The following DNHD1 variants were observed in gnomAD, a reference collection of about 807,000 sequenced individuals.
The protein encoded by DNHD1 is dynein heavy chain domain-containing protein 1.
DNHD1 carries 383 observed loss-of-function variants against 458.1 expected under a neutral mutation model. The observed-to-expected ratio is 0.84, with a 90% CI of 0.77 to 0.91. The LOEUF (loss-of-function observed/expected upper bound fraction) is 0.91, where lower values mean the gene tolerates loss of function less well. Ranked by LOEUF, DNHD1 falls within the 40% of genes least tolerant of loss-of-function variation. The pLI is 0.00. For synonymous variants in DNHD1, 2,203 were observed against 2,376.9 expected (o/e 0.93, Z 2.13); for missense variants, 5,336 against 5,866.1 (o/e 0.91, Z 2.95).
At chr11:6,514,631 G>A (rs925947867) in intron 7 of DNHD1, among the ~76,000 whole-genome samples, 4 of 147,058 alleles carry the variant, frequency 2.7e-5, no homozygotes, top group Non-Finnish European at 4.5e-5. Context: ...TATTAGAATT[G>A]TAAAGATAGT....
chr11:6,564,409 T>C lies in DNHD1; in HGVS notation c.10361T>C (p.Phe3454Ser). 6.4e-7 allele frequency: 1 copy of C among 1,551,688 alleles called. No individual in the cohort carries two copies. Among genetic ancestry groups the C allele is most frequent in the Non-Finnish European group, 8.7e-7 (1 of 1,146,970 alleles). The change falls in exon 32 of 43, where the codon TTC (phenylalanine) becomes TCC (serine). Residue 3454 changes from phenylalanine (F) to serine (S), a missense_variant. Coordinates refer to ENST00000254579, the MANE Select transcript of DNHD1 (RefSeq NM_144666.3). Reference sequence around the variant, plus strand: ...GCTGCCATCATCTACCTGGGTCCCTTCCCACCATTGCGGCGCCAAGAGCTA... The same window carrying C: ...GCTGCCATCATCTACCTGGGTCCCTCCCCACCATTGCGGCGCCAAGAGCTA... The part of the protein sequence containing the change: ...CSAAIIYLGP[F>S]PPLRRQELLD...
chr11:6,549,794 C>T (rs567166490), intron 24 of DNHD1, among the ~76,000 whole-genome samples: 2 of 152,130 alleles, frequency 1.3e-5, no homozygotes, highest in African/African-American at 4.8e-5. Flanking sequence ...TTGGTAGACC[C>T]AACAGGAAGT....
chr11:6,562,960 G>A, intron 28 of DNHD1, 22 bp from the exon 29 acceptor site: 2 of 1,547,450 alleles, frequency 1.3e-6, no homozygotes. Flanking sequence ...TGGAGCTGCA[G>A]GGCCTGGATC....
Position 6,567,045 on chromosome 11 carries a change from T to C in DNHD1, c.11536T>C (p.Leu3846=), listed in dbSNP as rs751229832. 20 of 1,613,886 alleles carry C rather than the reference T, an allele frequency of 1.2e-5. No individual in the cohort carries two copies. Among genetic ancestry groups the C allele is most frequent in the South Asian group, 4.4e-5 (4 of 91,090 alleles). The part of the protein sequence containing the change: ...LEGQKLQEMV[L]WAPYRPVVWH... Reference sequence around the variant, plus strand: ...AGGGCAGAAACTACAGGAGATGGTATTGTGGGCACCCTATCGACCTGTGGT... The same window carrying C: ...AGGGCAGAAACTACAGGAGATGGTACTGTGGGCACCCTATCGACCTGTGGT... The change falls in exon 36 of 43, where the codon TTG becomes CTG. Residue 3846 remains leucine (L), a synonymous_variant. Transcript: ENST00000254579.
intron 24 of DNHD1, among the ~76,000 whole-genome samples, chr11:6,556,139 T>C (rs1205748679): frequency 2.6e-5 from 4 of 152,088 alleles, no homozygotes; most frequent in Admixed American, 6.6e-5. Context: ...GGCCCAGCTA[T>C]TTTATTTTTC....
At chr11:6,506,009 G>A (rs1408617205) in intron 4 of DNHD1, among the ~76,000 whole-genome samples, 1 of 152,150 alleles carries the variant, frequency 6.6e-6, no homozygotes, top group African/African-American at 2.4e-5. Context: ...ATCAAAGACA[G>A]TTAGGCACAT....
chr11:6,546,674 T>TGCATGCCCTACC lies in DNHD1; in HGVS notation c.5737_5738insATGCCCTACCGC (p.Leu1912_Arg1913insHisAlaLeuPro). 3.2e-6 allele frequency: 5 copies of TGCATGCCCTACC among 1,551,686 alleles called. No individual in the cohort carries two copies. Among genetic ancestry groups the TGCATGCCCTACC allele is most frequent in the Non-Finnish European group, 4.4e-6 (5 of 1,146,982 alleles). On this transcript the variant is annotated inframe_insertion, in exon 21 of 43. Coordinates refer to ENST00000254579, the MANE Select transcript of DNHD1 (RefSeq NM_144666.3). ...GCTGCCATTGAGGAGGCTGCCCTAC[T>TGCATGCCCTACC]GCGCTCACCACTGTTTAGCATTCTC...
rs1354720934 is a variant in DNHD1 at position 6,546,568 on chromosome 11, C to G, written c.5629C>G (p.Leu1877Val). 1 of 1,551,780 alleles carries G rather than the reference C, an allele frequency of 6.4e-7. No individual in the cohort carries two copies. The highest frequency in any genetic ancestry group is 1.7e-4 in the Middle Eastern group (1 of 5,992). ...SGPLPCRLPL[L>V]KQILEDTIRT... ...GCCCCTGCCCTGCCGCCTGCCACTGCTCAAGCAGATACTGGAAGACACAAT... is the reference window on the plus strand; with the variant it reads ...GCCCCTGCCCTGCCGCCTGCCACTGGTCAAGCAGATACTGGAAGACACAAT... Residue 1877 changes from leucine (L) to valine (V), a missense_variant, in exon 21 of 43, where the codon CTC becomes GTC. This residue lies in a region of DNHD1 where 3,932 missense variants were observed against 4,365.6 expected (regional missense o/e 0.90). Transcript: ENST00000254579.
chr11:6,544,008 G>C, intron 18 of DNHD1, 113 bp from the exon 19 acceptor site: 1 of 765,616 alleles, frequency 1.3e-6, no homozygotes, highest in Non-Finnish European at 2.0e-6. Context: ...GACAGAAAGG[G>C]CATCAGGGTC....
chr11:6,552,568 C>T (rs1217229468), intron 24 of DNHD1, among the ~76,000 whole-genome samples: 3 of 151,472 alleles, frequency 2.0e-5, no homozygotes, highest in East Asian at 3.9e-4. Context: ...CTCACAGTTC[C>T]GCATGGATGG....
intron 7 of DNHD1, among the ~76,000 whole-genome samples, chr11:6,518,434 G>A (rs1353333509): frequency 1.3e-5 from 2 of 152,102 alleles, no homozygotes; most frequent in Non-Finnish European, 2.9e-5. Context: ...TACTGATTAC[G>A]TTCTATGGTA....
Position 6,571,208 on chromosome 11 carries a change from T to TTGGGCG in DNHD1, c.13703_13708dup (p.Val4568_Gly4569dup). 1.9e-6 allele frequency: 3 copies of TTGGGCG among 1,607,536 alleles called. No individual in the cohort carries two copies. The highest frequency in any genetic ancestry group is 1.7e-5 in the Admixed American group (1 of 59,828). ...CCGTGGGCAACTGTTGGTTCGTTAC[T>TTGGGCG]TGGGCGTGGGCGCGGACGCGAGCAG... On this transcript the variant is annotated inframe_insertion, in exon 42 of 43. Transcript: ENST00000254579. The surrounding 1 kb of genome is among the most constrained non-coding windows in gnomAD (Gnocchi z 5.0).
chr11:6,523,307 T>G (rs1268651179), intron 10 of DNHD1, among the ~76,000 whole-genome samples: 1 of 152,156 alleles, frequency 6.6e-6, no homozygotes, highest in Non-Finnish European at 1.5e-5. Context: ...AAGGTCTCTT[T>G]GGAGTATGAG....
chr11:6,551,769 C>G (rs575858498), intron 24 of DNHD1, among the ~76,000 whole-genome samples: 1 of 152,038 alleles, frequency 6.6e-6, no homozygotes, highest in South Asian at 2.1e-4. Flanking sequence ...GGTGAAACCC[C>G]GTCTCTACTA....
At chr11:6,568,329 T>A in intron 37 of DNHD1, 87 bp downstream of exon 37, 1 of 1,549,688 alleles carries the variant, frequency 6.5e-7, no homozygotes, top group South Asian at 1.2e-5. Context: ...GCCAGTGACC[T>A]AGCACCAAAC....
Position 6,564,034 on chromosome 11 carries a change from C to CCT in DNHD1, c.10196_10197dup (p.Gln3401ValfsTer13), listed in dbSNP as rs771725715. On this transcript the variant is annotated frameshift_variant, in exon 31 of 43. Coordinates refer to ENST00000254579, the MANE Select transcript of DNHD1 (RefSeq NM_144666.3). LOFTEE classifies it high-confidence loss of function. ...CTTCCCACAACTGCGTGGCAAAGACCCTCAGTCAAGCACAGTGTGGGCAGT... is the reference window on the plus strand; with the variant it reads ...CTTCCCACAACTGCGTGGCAAAGACCCTCTCAGTCAAGCACAGTGTGGGCAGT... The CCT allele has an allele frequency of 1.0e-5, 16 of 1,551,728 alleles. No homozygotes were observed. In the South Asian group the frequency reaches 1.8e-4, roughly 17 times the overall value.
chr11:6,536,942 G>T (rs1351501457), intron 14 of DNHD1, among the ~76,000 whole-genome samples: 1 of 152,152 alleles, frequency 6.6e-6, no homozygotes, highest in Non-Finnish European at 1.5e-5. Context: ...TTTACTTTTT[G>T]TCAGATCAGA....
Position 6,545,030 on chromosome 11 carries a change from A to G in DNHD1, c.4091A>G (p.Asp1364Gly). 6.4e-7 allele frequency: 1 copy of G among 1,551,808 alleles called. No individual in the cohort carries two copies. The highest frequency in any genetic ancestry group is 8.7e-7 in the Non-Finnish European group (1 of 1,147,008). ...AHFPRLFFLSDSELVALLAAR... is the reference protein window; with the variant it reads ...AHFPRLFFLSGSELVALLAAR... ...TTCCCCCGCCTCTTCTTCCTTAGTG[A>G]CAGTGAGCTGGTAGCCCTGCTGGCT... The change falls in exon 21 of 43, where the codon GAC becomes GGC. Residue 1364 changes from aspartate (D) to glycine (G), a missense_variant. Asp to Gly is a moderately conservative substitution (Grantham distance 94, BLOSUM62 -1). Coordinates refer to ENST00000254579, the MANE Select transcript of DNHD1 (RefSeq NM_144666.3). The surrounding 1 kb of genome is among the most constrained non-coding windows in gnomAD (Gnocchi z 4.9).
Position 6,545,486 on chromosome 11 carries a change from A to G in DNHD1, c.4547A>G (p.Glu1516Gly), listed in dbSNP as rs1316237824. ...TGGCAGTGTGTGCTGGTGGCAGAGG[A>G]GGTGGTATGGCGGGCCGAGATGGAG... is the stretch of plus-strand genomic sequence containing the variant. Reference protein sequence around the residue: ...FPWQCVLVAEEVVWRAEMEEA... With the variant: ...FPWQCVLVAEGVVWRAEMEEA... The change falls in exon 21 of 43, where the codon GAG becomes GGG. Residue 1516 changes from glutamate to glycine, a missense_variant. Physicochemically the swap from Glu to Gly is moderately conservative, Grantham distance 98 (BLOSUM62 -2). Coordinates refer to ENST00000254579, the MANE Select transcript of DNHD1 (RefSeq NM_144666.3). This position sits in a 1 kb window ranked among gnomAD's most constrained non-coding sequence, Gnocchi z 4.9. The G allele has an allele frequency of 2.6e-6, 4 of 1,551,644 alleles. No homozygotes were observed. The highest frequency in any genetic ancestry group is 2.6e-6 in the Non-Finnish European group (3 of 1,147,010).
Sources: gnomAD v4.1 joint callset for allele counts (sites outside exome capture counted in the v4.1 genomes callset) on GRCh38, gnomAD v4.1.1 for gene constraint, gnomAD v4.1.1 regional missense constraint, Gnocchi (gnomAD v3.1) non-coding constraint, MANE v1.5 for transcripts, NCBI Gene and HGNC (gene_info 2026-07-23, HGNC 2026-07-21) for gene names.